The following DLG1 variants were observed in gnomAD, a reference collection of about 807,000 sequenced individuals.
DLG1 encodes disks large homolog 1.
Under a neutral mutation model 123.4 loss-of-function variants are expected in DLG1, and 42 were observed. That is an observed-to-expected ratio of 0.34 (90% confidence interval 0.27 to 0.44). The LOEUF (loss-of-function observed/expected upper bound fraction) is 0.44, where lower values mean the gene tolerates loss of function less well. Among genes scored for constraint, DLG1 ranks in the 20% least tolerant of loss-of-function variants. The probability of loss-of-function intolerance (pLI) is 1.00; values close to 1 mark genes in which losing one functional copy is unlikely to be tolerated. For synonymous variants in DLG1, 317 were observed against 356.2 expected (o/e 0.89, Z 1.24); for missense variants, 942 against 1,082.6 (o/e 0.87, Z 1.82).
chr3:197,206,363 G>C (rs989286717), intron 4 of DLG1, among the ~76,000 whole-genome samples: 6 of 152,094 alleles, frequency 3.9e-5, no homozygotes, highest in African/African-American at 1.4e-4. Flanking sequence ...GCAGTGGCGT[G>C]ATCTCGGCTC....
intron 3 of DLG1, among the ~76,000 whole-genome samples, chr3:197,287,266 T>G (rs754895847): frequency 1.6e-4 from 25 of 152,198 alleles, no homozygotes; most frequent in Non-Finnish European, 3.4e-4. Flanking sequence ...AAAAATCTAT[T>G]AATTTCTTAA....
intron 14 of DLG1, among the ~76,000 whole-genome samples, chr3:197,098,788 T>G (rs1053486353): frequency 3.3e-5 from 5 of 152,220 alleles, no homozygotes; most frequent in African/African-American, 9.6e-5. Flanking sequence ...TGCTTTGGCC[T>G]CCCAAAGTGC....
intron 4 of DLG1, among the ~76,000 whole-genome samples, chr3:197,250,027 G>T (rs184437485): frequency 6.6e-6 from 1 of 152,116 alleles, no homozygotes; most frequent in Non-Finnish European, 1.5e-5. Context: ...TACTTTCACC[G>T]CTTTTATTTC....
At chr3:197,178,961 G>A (rs1808614544) in intron 5 of DLG1, among the ~76,000 whole-genome samples, 1 of 152,188 alleles carries the variant, frequency 6.6e-6, no homozygotes, top group Non-Finnish European at 1.5e-5. Flanking sequence ...ATGCAGTGAA[G>A]AGAGAAAGGG....
At chr3:197,081,139 T>C (rs1279405872) in intron 16 of DLG1, 22 bp from the exon 17 acceptor site, 1 of 1,602,368 alleles carries the variant, frequency 6.2e-7, no homozygotes, top group Non-Finnish European at 8.5e-7. Flanking sequence ...TAGAATGTTA[T>C]TTTTTAAGTA....
Position 197,279,347 on chromosome 3 carries a change from A to G in DLG1, c.318+3332T>C, listed in dbSNP as rs541627540. Among the ~76,000 whole-genome samples, 5 of 152,302 alleles carry G rather than the reference A, an allele frequency of 3.3e-5. No homozygotes were observed. The South Asian group carries it at 6.2e-4, about 19-fold the overall frequency. On this transcript the variant is annotated intron_variant, in intron 4 of 24. Transcript: ENST00000667157. ...TTTGTCAGGATTTTCTGTCATCTCT[A>G]TAAGATGGTACTTCCTACTAACTGA...
At chr3:197,081,227 C>G in intron 16 of DLG1, 110 bp from the exon 17 acceptor site, 1 of 921,128 alleles carries the variant, frequency 1.1e-6, no homozygotes, top group Non-Finnish European at 1.6e-6. Flanking sequence ...ACTCTAAAAC[C>G]TTTAAGAGTC....
intron 4 of DLG1, among the ~76,000 whole-genome samples, chr3:197,222,980 T>A (rs1737924746): frequency 6.6e-6 from 1 of 152,198 alleles, no homozygotes; most frequent in South Asian, 2.1e-4. Context: ...CCTCATTTCC[T>A]CCTAGGGACC....
chr3:197,181,876 G>A (rs1280625564), intron 5 of DLG1, among the ~76,000 whole-genome samples: 1 of 152,186 alleles, frequency 6.6e-6, no homozygotes, highest in Non-Finnish European at 1.5e-5. Context: ...CAAACTGGGT[G>A]GGGGCTGTCA....
chr3:197,101,841 A>G (rs1409238281), intron 14 of DLG1, among the ~76,000 whole-genome samples: 3 of 151,852 alleles, frequency 2.0e-5, no homozygotes, highest in Non-Finnish European at 4.4e-5. Context: ...GCCCAGGCTC[A>G]AGTGCAGTGG....
At position 197,081,053 on chromosome 3, in the gene DLG1, C is replaced by T; in HGVS notation, c.1903G>A (p.Gly635Arg). 1 of 1,612,654 alleles carries T rather than the reference C, an allele frequency of 6.2e-7. No homozygotes were observed. Among genetic ancestry groups the T allele is most frequent in the Non-Finnish European group, 8.5e-7 (1 of 1,179,186 alleles). Reference sequence around the variant, plus strand: ...ATGTAGAGATTTCAAATACTCACCCCTTTATCTCTCGTTTTAGAATTGAAT... The same window carrying T: ...ATGTAGAGATTTCAAATACTCACCCTTTTATCTCTCGTTTTAGAATTGAAT... ...VKFNSKTRDK[G>R]QSFNDKRKKN... The change falls in exon 17 of 25, where the codon GGG becomes AGG. Residue 635 changes from glycine (G) to arginine (R), a missense_variant and splice_region_variant. Coordinates refer to ENST00000667157, the MANE Select transcript of DLG1 (RefSeq NM_001366207.1).
chr3:197,258,925 T>C (rs1241236119), intron 4 of DLG1, among the ~76,000 whole-genome samples: 2 of 152,156 alleles, frequency 1.3e-5, no homozygotes, highest in East Asian at 3.8e-4. Flanking sequence ...AGTTATATAA[T>C]AAAAATTTAT....
chr3:197,155,329 T>C (rs1391515730), intron 5 of DLG1, among the ~76,000 whole-genome samples: 1 of 152,056 alleles, frequency 6.6e-6, no homozygotes, highest in Non-Finnish European at 1.5e-5. Context: ...GAATCCTATA[T>C]CCAGCAAGAC....
At chr3:197,116,472 T>C (rs549254079) in intron 12 of DLG1, among the ~76,000 whole-genome samples, 1 of 152,328 alleles carries the variant, frequency 6.6e-6, no homozygotes, top group South Asian at 2.1e-4. Context: ...TCCTTTTGTC[T>C]TAGAGAAGGC....
intron 4 of DLG1, among the ~76,000 whole-genome samples, chr3:197,216,044 T>C (rs908370399): frequency 6.6e-6 from 1 of 152,190 alleles, no homozygotes; most frequent in Non-Finnish European, 1.5e-5. Context: ...TGAACCCAAT[T>C]CTAGTTTTTA....
intron 14 of DLG1, among the ~76,000 whole-genome samples, chr3:197,102,180 T>A (rs895673330): frequency 6.6e-6 from 1 of 152,224 alleles, no homozygotes; most frequent in South Asian, 2.1e-4. Flanking sequence ...ATATGTCTTG[T>A]AGAGATTATT....
chr3:197,148,888 CA>C (rs943272470), intron 6 of DLG1, among the ~76,000 whole-genome samples: 16 of 152,134 alleles, frequency 1.1e-4, no homozygotes, highest in Non-Finnish European at 5.9e-5. Flanking sequence ...TAAACTTCAA[CA>C]AAAATGTAGC....
intron 4 of DLG1, among the ~76,000 whole-genome samples, chr3:197,217,454 T>G (rs995832630): frequency 6.6e-6 from 1 of 152,192 alleles, no homozygotes; most frequent in African/African-American, 2.4e-5. Flanking sequence ...AAATTTGGAA[T>G]CAGTATGTAC....
At chr3:197,085,522 TA>T (rs1753822950) in intron 16 of DLG1, 57 bp downstream of exon 16, 4 of 1,576,890 alleles carry the variant, frequency 2.5e-6, no homozygotes, top group Non-Finnish European at 3.5e-6. Flanking sequence ...AAAAAAAATT[TA>T]AAAGAACATC....
Sources: gnomAD v4.1 joint callset for allele counts (sites outside exome capture counted in the v4.1 genomes callset) on GRCh38, gnomAD v4.1.1 for gene constraint, MANE v1.5 for transcripts, NCBI Gene and HGNC (gene_info 2026-07-23, HGNC 2026-07-21) for gene names.